Variants in DCP2 observed in about 807,000 individuals in gnomAD.
DCP2 encodes m7GpppN-mRNA hydrolase.
DCP2 carries 30 observed loss-of-function variants against 56.1 expected under a neutral mutation model. The ratio of observed to expected loss-of-function variants is 0.53; its 90% CI spans 0.40 to 0.73. The LOEUF (loss-of-function observed/expected upper bound fraction) is 0.73, where lower values mean the gene tolerates loss of function less well. Among genes scored for constraint, DCP2 ranks in the 30% least tolerant of loss-of-function variants. The pLI, the probability that DCP2 is intolerant of heterozygous loss-of-function variation, is 0.00. For synonymous variants in DCP2, 197 were observed against 163.3 expected, an observed-to-expected ratio of 1.21 and a Z score of -1.57; for missense variants, 533 against 502.7, an observed-to-expected ratio of 1.06 and a Z score of -0.58.
Position 113,013,833 on chromosome 5 carries a change from C to G in DCP2, c.*349C>G. ...AAGTTAATGGGAATGCTCCATCTAC[C>G]TGTTACAGTGATTGCAATAATAGTA... On this transcript the variant is annotated 3_prime_UTR_variant, in exon 11 of 11. Transcript: ENST00000389063. 2 of 184,236 alleles carry G rather than the reference C, an allele frequency of 1.1e-5. No homozygotes were observed. Among genetic ancestry groups the G allele is most frequent in the South Asian group, 1.5e-4 (1 of 6,554 alleles). 11.4% of individuals were successfully genotyped at this position (184,236 alleles called of 1,614,324 possible).
chr5:113,007,358 G>A (rs998311103), intron 8 of DCP2, among the ~76,000 whole-genome samples: 1 of 150,892 alleles, frequency 6.6e-6, no homozygotes, highest in Non-Finnish European at 1.5e-5. Context: ...CATGGGATAA[G>A]GCAAGAGGTG....
intron 10 of DCP2, among the ~76,000 whole-genome samples, chr5:113,011,293 CTTTTTAAGGTGATACT>C (rs1749672242): frequency 6.6e-6 from 1 of 152,096 alleles, no homozygotes; most frequent in Non-Finnish European, 1.5e-5. Context: ...CAGTGTTCAA[CTTTTTAAGGTGATACT>C]AAGTATGAGT....
rs557525555 is a variant in DCP2, at chr5:113,019,491, C to T, written c.*6007C>T. 8 of 152,214 alleles carry T rather than the reference C, an allele frequency of 5.3e-5. No homozygotes were observed. In the East Asian group the frequency reaches 1.4e-3, roughly 26 times the overall value. The allele number at this position is 152,214 out of a possible 1,614,324, so 9.4% of individuals were successfully genotyped here. On this transcript the variant is annotated 3_prime_UTR_variant, in exon 11 of 11. Transcript: ENST00000389063. ...TTTAGGTTTGTGTTAGGATGTTGCA[C>T]AAGTAATCATTTAATGTTAAATGCA...
intron 2 of DCP2, among the ~76,000 whole-genome samples, chr5:112,991,620 A>G (rs750612242): frequency 2.4e-4 from 37 of 152,236 alleles, no homozygotes; most frequent in Non-Finnish European, 5.0e-4. Flanking sequence ...CCCAGAATTA[A>G]GCACTTTATT....
chr5:112,999,165 T>G (rs1229267888), intron 4 of DCP2, among the ~76,000 whole-genome samples: 1 of 152,226 alleles, frequency 6.6e-6, no homozygotes, highest in Non-Finnish European at 1.5e-5. Flanking sequence ...GAATTCAGAT[T>G]ATACAATTTA....
chr5:112,992,901 C>CTTTT, intron 4 of DCP2, 131 bp downstream of exon 4: 1 of 115,960 alleles, frequency 8.6e-6, no homozygotes, highest in Admixed American at 2.4e-4. Context: ...AAGTAACTTA[C>CTTTT]TTTTTTTTTT....
rs541348324 is a variant in DCP2 at position 113,010,719 on chromosome 5, A to G, written c.1048-37A>G. ...GTGAAATAACTGGTGACTGTGTTGT[A>G]TGTGTGTGTGTGTGTGTTTTTTTTT... On this transcript the variant is annotated intron_variant, in intron 9 of 10. Coordinates refer to ENST00000389063, the MANE Select transcript of DCP2 (RefSeq NM_152624.6). 7.8e-3 allele frequency: 9,394 copies of G among 1,199,244 alleles called. 14 individuals carry two copies. The highest frequency in any genetic ancestry group is 0.015 in the South Asian group (878 of 58,292). The allele number at this position is 1,199,244 out of a possible 1,614,324, so 74.3% of individuals were successfully genotyped here.
At chr5:113,007,764 G>C (rs1749507186) in intron 8 of DCP2, among the ~76,000 whole-genome samples, 174 bp from the exon 9 acceptor site, 1 of 152,120 alleles carries the variant, frequency 6.6e-6, no homozygotes, top group Admixed American at 6.5e-5. Context: ...CTCTTGCTTT[G>C]GGAAGCACTG....
intron 10 of DCP2, among the ~76,000 whole-genome samples, chr5:113,012,936 C>G (rs902226558): frequency 6.6e-6 from 1 of 152,208 alleles, no homozygotes; most frequent in South Asian, 2.1e-4. Flanking sequence ...GCCACCATGC[C>G]TGGCCAGATT....
chr5:113,009,055 C>T (rs1749567486), intron 9 of DCP2, among the ~76,000 whole-genome samples: 1 of 152,102 alleles, frequency 6.6e-6, no homozygotes, highest in South Asian at 2.1e-4. Context: ...CCATGTTGGC[C>T]AGGATGGTCT....
intron 1 of DCP2, 94 bp downstream of exon 1, chr5:112,977,080 C>A: frequency 1.1e-6 from 1 of 949,232 alleles, no homozygotes; most frequent in Non-Finnish European, 1.5e-6. Flanking sequence ...CGCCCACGTC[C>A]ATGTCCTCGC....
Position 113,000,399 on chromosome 5 carries a change from T to TACAC in DCP2, c.433-662_433-659dup, listed in dbSNP as rs758225763. Among the ~76,000 whole-genome samples the TACAC allele has an allele frequency of 8.0e-3, 985 of 123,660 alleles. 35 individuals are homozygous for TACAC. The highest frequency in any genetic ancestry group is 0.025 in the Admixed American group (324 of 12,942). 81.1% of individuals were successfully genotyped at this position (123,660 alleles called of 152,430 possible). A position where few individuals can be genotyped will look rare whatever the true frequency, so the allele number is the denominator to read the frequency against. ...TTTTGAAGTGCAATTACTTGTCTAATACACACACACACACACACACACACA... is the reference window on the plus strand; with the variant it reads ...TTTTGAAGTGCAATTACTTGTCTAATACACACACACACACACACACACACACACA... On this transcript the variant is annotated intron_variant, in intron 4 of 10. Transcript: ENST00000389063.
At chr5:112,991,124 C>CT (rs1748566695) in intron 2 of DCP2, among the ~76,000 whole-genome samples, 1 of 152,010 alleles carries the variant, frequency 6.6e-6, no homozygotes, top group Non-Finnish European at 1.5e-5. Context: ...CCAATATGGT[C>CT]TCTGAAATCA....
At chr5:112,995,890 G>C (rs908452684) in intron 4 of DCP2, among the ~76,000 whole-genome samples, 1 of 152,194 alleles carries the variant, frequency 6.6e-6, no homozygotes, top group East Asian at 1.9e-4. Flanking sequence ...ACGCTGGGAA[G>C]TCCAAGAGCA....
intron 2 of DCP2, among the ~76,000 whole-genome samples, chr5:112,988,518 A>AAAAT (rs60166024): frequency 2.0e-5 from 3 of 149,924 alleles, no homozygotes; most frequent in African/African-American, 7.4e-5. Context: ...AAAAAAAAAA[A>AAAAT]TGGTATCCAA....
At chr5:112,977,011 C>T (rs764507648) in intron 1 of DCP2, 25 bp downstream of exon 1, 13 of 1,486,550 alleles carry the variant, frequency 8.7e-6, no homozygotes, top group Admixed American at 2.2e-5. Flanking sequence ...GACCCCCTTT[C>T]GCCCCCGTCG....
rs1750147936 is a variant in DCP2, at chr5:113,021,720, A to G, written c.*8236A>G. On this transcript the variant is annotated 3_prime_UTR_variant, in exon 11 of 11. Transcript: ENST00000389063. ...TTACTGTCAAAGTTACTTTGCTTCC[A>G]TAGTGAAAACTTGAGAACATTGTAA... 6.6e-6 allele frequency among the ~76,000 whole-genome samples: 1 copy of G among 152,160 alleles called. No homozygotes were observed. Among genetic ancestry groups the G allele is most frequent in the South Asian group, 2.1e-4 (1 of 4,836 alleles).
At chr5:113,008,888 A>G (rs1749558476) in intron 9 of DCP2, among the ~76,000 whole-genome samples, 1 of 152,066 alleles carries the variant, frequency 6.6e-6, no homozygotes, top group African/African-American at 2.4e-5. Flanking sequence ...TCTGTCACCA[A>G]GCTGGATTGC....
chr5:113,010,730 TGTGTG>T, intron 9 of DCP2, 21 bp from the exon 10 acceptor site: 1 of 1,485,340 alleles, frequency 6.7e-7, no homozygotes, highest in South Asian at 1.2e-5. Context: ...TGTGTGTGTG[TGTGTG>T]TTTTTTTTTT....
Sources: gnomAD v4.1 joint callset for allele counts (sites outside exome capture counted in the v4.1 genomes callset) on GRCh38, gnomAD v4.1.1 for gene constraint, MANE v1.5 for transcripts, NCBI Gene and HGNC (gene_info 2026-07-23, HGNC 2026-07-21) for gene names.